ANKH: variants seen among roughly 807,000 people sequenced by gnomAD.
ANKH encodes mineralization regulator ANKH.
Under a neutral mutation model 49.0 loss-of-function variants are expected in ANKH, and 15 were observed. The ratio of observed to expected loss-of-function variants is 0.31; its 90% CI spans 0.20 to 0.47. The LOEUF is 0.47. Ranked by LOEUF, ANKH falls within the 20% of genes least tolerant of loss-of-function variation. The pLI is 1.00. For synonymous variants in ANKH, 273 were observed against 260.0 expected, an observed-to-expected ratio of 1.05 and a Z score of -0.48; for missense variants, 429 against 652.0, an observed-to-expected ratio of 0.66 and a Z score of 3.72.
In ANKH at chr5:14,745,182, A is replaced by G. The variant is rs1738492538; in HGVS notation, c.915+688T>C. 6.6e-6 allele frequency among the ~76,000 whole-genome samples: 1 copy of G among 152,126 alleles called. No individual in the cohort carries two copies. The highest frequency in any genetic ancestry group is 2.1e-4 in the South Asian group (1 of 4,826). On this transcript the variant is annotated intron_variant, in intron 7 of 11. Coordinates refer to ENST00000284268, the MANE Select transcript of ANKH (RefSeq NM_054027.6). The surrounding 1 kb of genome is among the most constrained non-coding windows in gnomAD (Gnocchi z 4.7). Reference sequence around the variant, plus strand: ...TGTGTATCATTTTAAAACACTGTAGACTATTTTTGGAGTATGTTTCACCAG... The same window carrying G: ...TGTGTATCATTTTAAAACACTGTAGGCTATTTTTGGAGTATGTTTCACCAG...
chr5:14,819,871 T>TAACAAC (rs199545884), intron 1 of ANKH, among the ~76,000 whole-genome samples: 7 of 145,790 alleles, frequency 4.8e-5, no homozygotes, highest in African/African-American at 1.8e-4. Flanking sequence ...GTCTCAACAA[T>TAACAAC]AACAACAACA....
At chr5:14,800,323 C>T (rs1175384489) in intron 1 of ANKH, among the ~76,000 whole-genome samples, 6 of 152,208 alleles carry the variant, frequency 3.9e-5, no homozygotes, top group African/African-American at 1.4e-4. Flanking sequence ...ATTACATAAG[C>T]TTAGTGGATA....
rs1405757542 is a variant in ANKH at position 14,713,503 on chromosome 5, T to C, written c.1265+41A>G. The C allele has an allele frequency of 1.9e-6, 3 of 1,612,588 alleles. No homozygotes were observed. Among genetic ancestry groups the C allele is most frequent in the East Asian group, 4.5e-5 (2 of 44,798 alleles). ...TAAACCTCTGGACACAGTATTGAAG[T>C]GGCAGAAGGACCCACAGCCCCAAAC... is the stretch of plus-strand genomic sequence containing the variant. On this transcript the variant is annotated intron_variant, in intron 10 of 11. Transcript: ENST00000284268. This position sits in a 1 kb window ranked among gnomAD's most constrained non-coding sequence, Gnocchi z 4.4.
At chr5:14,746,290 CT>C (rs3086709) in intron 6 of ANKH, among the ~76,000 whole-genome samples, 7,707 of 144,242 alleles carry the variant, frequency 0.053, 326 homozygotes, top group African/African-American at 0.12. Flanking sequence ...GCCAAGATTC[CT>C]TTTTTTTTTT....
At chr5:14,826,859 G>T (rs1183853390) in intron 1 of ANKH, among the ~76,000 whole-genome samples, 1 of 152,086 alleles carries the variant, frequency 6.6e-6, no homozygotes, top group East Asian at 1.9e-4. Flanking sequence ...TCTGCTTCCT[G>T]GGCCCCCAGC....
chr5:14,797,962 T>C (rs530541090), intron 1 of ANKH: 5 of 1,569,900 alleles, frequency 3.2e-6, no homozygotes, highest in South Asian at 2.2e-5. Context: ...AGAATATCAC[T>C]GGAAGGAGTC....
chr5:14,844,447 GA>G (rs1015739666), intron 1 of ANKH, among the ~76,000 whole-genome samples: 3 of 152,196 alleles, frequency 2.0e-5, no homozygotes, highest in Non-Finnish European at 4.4e-5. Context: ...TTCACCTAAA[GA>G]AAGACATGAA....
chr5:14,862,718 G>A (rs888877116), intron 1 of ANKH, among the ~76,000 whole-genome samples: 2 of 152,204 alleles, frequency 1.3e-5, no homozygotes, highest in African/African-American at 4.8e-5. Flanking sequence ...ATTTTGCTCT[G>A]TGCTGCTCTG....
At chr5:14,869,321 C>T (rs923018284) in intron 1 of ANKH, 1 of 152,208 alleles carries the variant, frequency 6.6e-6, no homozygotes, top group African/African-American at 2.4e-5. Context: ...AAACAATTAT[C>T]ATCTGACACC....
chr5:14,789,269 A>G (rs1398127838), intron 1 of ANKH, among the ~76,000 whole-genome samples: 4 of 152,166 alleles, frequency 2.6e-5, no homozygotes, highest in African/African-American at 9.7e-5. Context: ...CATATATACC[A>G]TAGTATTTAT....
chr5:14,738,951 T>C (rs1738269649), intron 8 of ANKH, among the ~76,000 whole-genome samples: 1 of 152,192 alleles, frequency 6.6e-6, no homozygotes, highest in Admixed American at 6.5e-5. Flanking sequence ...TACTGTGACC[T>C]TTCTCAGTGT....
intron 1 of ANKH, among the ~76,000 whole-genome samples, chr5:14,827,205 C>T (rs1404593746): frequency 6.6e-6 from 1 of 152,220 alleles, no homozygotes; most frequent in East Asian, 1.9e-4. Context: ...AACAGTAACA[C>T]CTAAGACTTT....
intron 8 of ANKH, among the ~76,000 whole-genome samples, chr5:14,717,270 G>A (rs190174151): frequency 1.9e-4 from 29 of 152,276 alleles, no homozygotes; most frequent in African/African-American, 6.3e-4. Context: ...ACAGAACCAC[G>A]CAGAATCAGC....
At chr5:14,776,507 C>T (rs983019387) in intron 1 of ANKH, among the ~76,000 whole-genome samples, 4 of 152,188 alleles carry the variant, frequency 2.6e-5, no homozygotes, top group Admixed American at 6.5e-5. Context: ...AGGAGTAAAT[C>T]TAAACACATG....
intron 11 of ANKH, among the ~76,000 whole-genome samples, chr5:14,712,541 C>T (rs998899901): frequency 2.0e-5 from 3 of 152,274 alleles, no homozygotes; most frequent in African/African-American, 7.2e-5. Context: ...CCATCGGCAG[C>T]ATCGCATGTC....
chr5:14,841,034 G>A (rs1008715552), intron 1 of ANKH, among the ~76,000 whole-genome samples: 7 of 152,228 alleles, frequency 4.6e-5, no homozygotes, highest in African/African-American at 1.7e-4. Flanking sequence ...TGAAAGTTTT[G>A]AGCGGGGATA....
chr5:14,807,403 C>T (rs995101170), intron 1 of ANKH, among the ~76,000 whole-genome samples: 7 of 152,124 alleles, frequency 4.6e-5, no homozygotes, highest in Admixed American at 1.3e-4. Context: ...GCATGAGCCA[C>T]GGCACCCAGG....
chr5:14,757,427 TA>T (rs1264052491), intron 3 of ANKH, among the ~76,000 whole-genome samples: 12 of 132,608 alleles, frequency 9.0e-5, no homozygotes, highest in Non-Finnish European at 1.7e-4. Context: ...TATATATATA[TA>T]TATTTTTTTT....
At position 14,725,750 on chromosome 5, in the gene ANKH, ATTT is replaced by A. The variant is rs1047210443; in HGVS notation, c.1012-8918_1012-8916del. On this transcript the variant is annotated intron_variant, in intron 8 of 11. Coordinates refer to ENST00000284268, the MANE Select transcript of ANKH (RefSeq NM_054027.6). This position sits in a 1 kb window ranked among gnomAD's most constrained non-coding sequence, Gnocchi z 4.0. Reference sequence around the variant, plus strand: ...CATGTATTCTTTTTATCAGAAAAACATTTTTTTTTCTTTTGAGATGCAGCCTTG... The same window carrying A: ...CATGTATTCTTTTTATCAGAAAAACATTTTTTCTTTTGAGATGCAGCCTTG... 6.6e-6 allele frequency among the ~76,000 whole-genome samples: 1 copy of A among 151,454 alleles called. No individual in the cohort carries two copies. The highest frequency in any genetic ancestry group is 2.4e-5 in the African/African-American group (1 of 41,144).
Sources: allele counts gnomAD v4.1 joint callset (sites outside exome capture counted in the v4.1 genomes callset), GRCh38; gene constraint gnomAD v4.1.1; non-coding constraint Gnocchi (gnomAD v3.1); transcripts MANE v1.5; gene names NCBI Gene and HGNC (gene_info 2026-07-23, HGNC 2026-07-21).